MRO: variants seen among roughly 807,000 people sequenced by gnomAD.
The protein encoded by MRO is protein maestro.
MRO carries 28 observed loss-of-function variants against 31.0 expected under a neutral mutation model. That is an observed-to-expected ratio of 0.90 (90% CI 0.67 to 1.24). MRO has a LOEUF of 1.24. MRO is among the 50% of genes most tolerant of loss of function. MRO has a pLI of 0.00. For synonymous variants in MRO, 108 were observed against 108.4 expected (o/e 1.00, Z 0.02); for missense variants, 332 against 289.2 (o/e 1.15, Z -1.07).
In MRO at chr18:50,805,263, A is replaced by G; in HGVS notation, c.320T>C (p.Ile107Thr). 1 of 1,614,116 alleles carries G rather than the reference A, an allele frequency of 6.2e-7. No individual in the cohort carries two copies. Among genetic ancestry groups the G allele is most frequent in the South Asian group, 1.1e-5 (1 of 91,080 alleles). ...GGTCAGAGTCTTCATACTCTCATGG[A>G]TGACTTCCAAATTCACAGGGTCATA... ...GLYDPVNLEVIHESMKTLTVV... is the reference protein window; with the variant it reads ...GLYDPVNLEVTHESMKTLTVV... Residue 107 changes from isoleucine (I) to threonine (T), a missense_variant, in exon 5 of 8, where the codon ATC becomes ACC. Coordinates refer to ENST00000398439, the MANE Select transcript of MRO (RefSeq NM_031939.6).
At position 50,796,808 on chromosome 18, in the gene MRO, C is replaced by A. The variant is rs1262491681; in HGVS notation, c.*2529G>T. On this transcript the variant is annotated 3_prime_UTR_variant, in exon 8 of 8. Coordinates refer to ENST00000398439, the MANE Select transcript of MRO (RefSeq NM_031939.6). The stretch of plus-strand genomic sequence containing the variant: ...CTTTATTCCCTCTACAATTTGGAAT[C>A]ATTTAGTCATTCAGCAAATGTTCCT... 6.6e-6 allele frequency: 1 copy of A among 152,216 alleles called. No homozygotes were observed. The highest frequency in any genetic ancestry group is 1.9e-4 in the East Asian group (1 of 5,196). The allele number at this position is 152,216 out of a possible 1,614,324, so 9.4% of individuals were successfully genotyped here. A position where few individuals can be genotyped will look rare whatever the true frequency, so the allele number is the denominator to read the frequency against.
Position 50,801,381 on chromosome 18 carries a change from G to A in MRO, c.553C>T (p.His185Tyr). ...VKQTRDSLLI[H>Y]LQDRNPQVAK... The stretch of plus-strand genomic sequence containing the variant: ...ACCTGGGGATTTCTGTCCTGTAAAT[G>A]GATCAGGAGGGAATCTCGTGTCTGC... Residue 185 changes from histidine to tyrosine, a missense_variant, in exon 6 of 8, where the codon CAT (histidine) becomes TAT (tyrosine). Transcript: ENST00000398439. 6.2e-7 allele frequency: 1 copy of A among 1,604,370 alleles called. No individual in the cohort carries two copies. Among genetic ancestry groups the A allele is most frequent in the Non-Finnish European group, 8.5e-7 (1 of 1,174,122 alleles).
chr18:50,824,679 C>T (rs1462938090), upstream of MRO, among the ~76,000 whole-genome samples: 1 of 149,732 alleles, frequency 6.7e-6, no homozygotes, highest in Non-Finnish European at 1.5e-5. Context: ...TGGTCTCGAT[C>T]TCCTGACCTT....
chr18:50,818,277 A>G (rs1458272320), intron 2 of MRO, among the ~76,000 whole-genome samples: 1 of 152,196 alleles, frequency 6.6e-6, no homozygotes, highest in Non-Finnish European at 1.5e-5. Context: ...GTCACCACAT[A>G]TGCCTAGCCT....
At chr18:50,823,154 C>T (rs1484642999), upstream of MRO, among the ~76,000 whole-genome samples, 1 of 152,148 alleles carries the variant, frequency 6.6e-6, no homozygotes, top group Non-Finnish European at 1.5e-5. Context: ...CTAGCCACCC[C>T]ATGAGCCACC....
At chr18:50,824,260 C>T (rs112082611), upstream of MRO, 18,702 of 151,914 alleles carry the variant, frequency 0.12, 1,174 homozygotes, top group South Asian at 0.15. Context: ...CATAGGGAGA[C>T]CCCCATCTCT....
chr18:50,807,213 C>T (rs1459826312), intron 3 of MRO, among the ~76,000 whole-genome samples: 1 of 152,148 alleles, frequency 6.6e-6, no homozygotes, highest in African/African-American at 2.4e-5. Context: ...TGTGCCGTTA[C>T]TCCTCAAAGA....
At chr18:50,806,622 C>T (rs1392193296) in intron 4 of MRO, 82 bp downstream of exon 4, 8 of 1,529,804 alleles carry the variant, frequency 5.2e-6, no homozygotes, top group Non-Finnish European at 6.3e-6. Flanking sequence ...CAACAGACAC[C>T]ATACTCCAGC....
chr18:50,803,532 T>C (rs1258680569), intron 5 of MRO, among the ~76,000 whole-genome samples: 1 of 151,244 alleles, frequency 6.6e-6, no homozygotes. Context: ...AGTGGTTGAA[T>C]GACAAACAAG....
rs1407214777 is a variant in MRO, at chr18:50,796,353, T to A, written c.*2984A>T. 1 of 151,444 alleles carries A rather than the reference T, an allele frequency of 6.6e-6. No homozygotes were observed. Among genetic ancestry groups the A allele is most frequent in the African/African-American group, 2.4e-5 (1 of 41,214 alleles). The allele number at this position is 151,444 out of a possible 1,614,324, so 9.4% of individuals were successfully genotyped here. On this transcript the variant is annotated 3_prime_UTR_variant, in exon 8 of 8. Transcript: ENST00000398439. ...TGCAGTCACCGGGGAGATACAATGA[T>A]GTACAAGATACAGCCCTGCCTTCTG...
At chr18:50,801,919 C>A (rs773871148) in intron 5 of MRO, among the ~76,000 whole-genome samples, 1 of 152,078 alleles carries the variant, frequency 6.6e-6, no homozygotes. Context: ...CATCAGCCAC[C>A]AAATTTTCCT....
intron 3 of MRO, among the ~76,000 whole-genome samples, chr18:50,808,630 T>G (rs1309899343): frequency 1.3e-5 from 2 of 151,376 alleles, no homozygotes; most frequent in Admixed American, 1.3e-4. Context: ...CTAATTTTTG[T>G]GTTTTTGGTA....
Position 50,808,490 on chromosome 18 carries a change from G to A in MRO, c.99+812C>T, listed in dbSNP as rs142844787. 2.9e-3 allele frequency among the ~76,000 whole-genome samples: 403 copies of A among 141,028 alleles called. 2 individuals are homozygous for A. Among genetic ancestry groups the A allele is most frequent in the African/African-American group, 0.01 (379 of 37,826 alleles). 92.5% of individuals were successfully genotyped at this position (141,028 alleles called of 152,430 possible). On this transcript the variant is annotated intron_variant, in intron 3 of 7. Transcript: ENST00000398439. Reference sequence around the variant, plus strand: ...TTTTTTTAATTTAAGACAGCGTCTCGCTCTGTCGCCCAGGCTGCAGTGCAG... The same window carrying A: ...TTTTTTTAATTTAAGACAGCGTCTCACTCTGTCGCCCAGGCTGCAGTGCAG...
At chr18:50,804,313 A>C (rs1913701005) in intron 5 of MRO, among the ~76,000 whole-genome samples, 1 of 152,190 alleles carries the variant, frequency 6.6e-6, no homozygotes. Context: ...ATCAGTGTAA[A>C]TATACCCACT....
chr18:50,815,410 G>A (rs1914823389), intron 2 of MRO: 3 of 244,062 alleles, frequency 1.2e-5, no homozygotes, highest in Admixed American at 4.5e-5. Context: ...AGATGACAGT[G>A]GATAGAATGG....
At chr18:50,802,916 A>AGTGTGTGTGTAGT (rs1913513242) in intron 5 of MRO, among the ~76,000 whole-genome samples, 1 of 144,716 alleles carries the variant, frequency 6.9e-6, no homozygotes, top group South Asian at 2.2e-4. Flanking sequence ...GTGTGTGTGT[A>AGTGTGTGTGTAGT]GTGTGTGTGT....
At chr18:50,801,944 A>G (rs1913377274) in intron 5 of MRO, among the ~76,000 whole-genome samples, 1 of 152,202 alleles carries the variant, frequency 6.6e-6, no homozygotes, top group Admixed American at 6.5e-5. Flanking sequence ...ACAAGCTAAT[A>G]AAGTTATGTT....
At chr18:50,801,286 C>T (rs1207236721) in intron 6 of MRO, 63 bp downstream of exon 6, 25 of 1,446,352 alleles carry the variant, frequency 1.7e-5, no homozygotes, top group East Asian at 6.9e-5. Context: ...CGTCTCAACT[C>T]GCAACTCCCT....
At chr18:50,817,338 C>A (rs1351950472) in intron 2 of MRO, among the ~76,000 whole-genome samples, 1 of 151,934 alleles carries the variant, frequency 6.6e-6, no homozygotes, top group Non-Finnish European at 1.5e-5. Flanking sequence ...GTACGTGTTA[C>A]AAACTCCAAG....
Sources: allele counts gnomAD v4.1 joint callset (sites outside exome capture counted in the v4.1 genomes callset), GRCh38; gene constraint gnomAD v4.1.1; transcripts MANE v1.5; gene names NCBI Gene and HGNC (gene_info 2026-07-23, HGNC 2026-07-21).